The following PTPRN2 variants were observed in gnomAD, a reference collection of about 807,000 sequenced individuals.
PTPRN2 encodes protein tyrosine phosphatase receptor type N2.
PTPRN2 carries 74 observed loss-of-function variants against 118.8 expected under a neutral mutation model. The ratio of observed to expected loss-of-function variants is 0.62; its 90% CI spans 0.52 to 0.76. The LOEUF (loss-of-function observed/expected upper bound fraction) is 0.76, where lower values mean the gene tolerates loss of function less well. PTPRN2 is among the 30% of genes least tolerant of loss of function. The pLI is 0.00. For synonymous variants in PTPRN2, 641 were observed against 608.0 expected (o/e 1.05, Z -0.80); for missense variants, 1,481 against 1,394.4 (o/e 1.06, Z -0.99).
chr7:158,253,038 C>T (rs894849895), intron 3 of PTPRN2, among the ~76,000 whole-genome samples: 13 of 152,318 alleles, frequency 8.5e-5, no homozygotes, highest in Admixed American at 6.5e-4. Flanking sequence ...GTGGTTTCCC[C>T]GGACCAGACC....
chr7:158,060,134 TG>T, intron 11 of PTPRN2, among the ~76,000 whole-genome samples: 1 of 97,106 alleles, frequency 1.0e-5, no homozygotes, highest in Non-Finnish European at 2.0e-5. Flanking sequence ...CTGCACACGG[TG>T]ACACATCACT....
chr7:157,940,826 CA>C (rs1800035105), intron 11 of PTPRN2, among the ~76,000 whole-genome samples: 3 of 91,392 alleles, frequency 3.3e-5, no homozygotes, highest in Admixed American at 1.2e-4. Flanking sequence ...ATGCCCTCCC[CA>C]CAGTGACACT....
chr7:157,857,068 C>T (rs1809757972), intron 12 of PTPRN2, among the ~76,000 whole-genome samples: 1 of 151,388 alleles, frequency 6.6e-6, no homozygotes, highest in Admixed American at 6.6e-5. Context: ...GTGGGAGTCA[C>T]AGCCGGGGCC....
At position 157,801,674 on chromosome 7, in the gene PTPRN2, C is replaced by G. The variant is rs1015890678; in HGVS notation, c.1788+96999G>C. Among the ~76,000 whole-genome samples the G allele has an allele frequency of 6.6e-6, 1 of 152,082 alleles. No homozygotes were observed. The highest frequency in any genetic ancestry group is 1.5e-5 in the Non-Finnish European group (1 of 68,034). ...TCTCTAGGGAAAAATTTGATGGGCACGCTATGATTTATTGCCAAATGATAT... is the reference window on the plus strand; with the variant it reads ...TCTCTAGGGAAAAATTTGATGGGCAGGCTATGATTTATTGCCAAATGATAT... On this transcript the variant is annotated intron_variant, in intron 12 of 22. Transcript: ENST00000389418. The surrounding 1 kb of genome is among the most constrained non-coding windows in gnomAD (Gnocchi z 4.2).
At chr7:157,844,905 T>C (rs1490802953) in intron 12 of PTPRN2, among the ~76,000 whole-genome samples, 2 of 152,174 alleles carry the variant, frequency 1.3e-5, no homozygotes, top group Non-Finnish European at 2.9e-5. Flanking sequence ...GGCCTTTGTC[T>C]CTTTTGTTTT....
intron 3 of PTPRN2, among the ~76,000 whole-genome samples, chr7:158,274,498 A>T (rs1043840459): frequency 2.2e-4 from 29 of 129,958 alleles, no homozygotes; most frequent in African/African-American, 7.9e-4. Flanking sequence ...CCGCAGGCAC[A>T]GGGGGAGCCA....
At chr7:158,343,599 T>C (rs1010266352) in intron 2 of PTPRN2, among the ~76,000 whole-genome samples, 2 of 148,824 alleles carry the variant, frequency 1.3e-5, no homozygotes. Context: ...CAGGCAGCCA[T>C]GCTGGTGGCA....
intron 12 of PTPRN2, among the ~76,000 whole-genome samples, chr7:157,685,867 CCT>C (rs912599155): frequency 6.6e-6 from 1 of 152,168 alleles, no homozygotes; most frequent in Admixed American, 6.5e-5. Flanking sequence ...TCTCCACCAA[CCT>C]CGCCCGGCTC....
chr7:158,505,134 T>C (rs370282253), intron 1 of PTPRN2, among the ~76,000 whole-genome samples: 1 of 152,338 alleles, frequency 6.6e-6, no homozygotes, highest in African/African-American at 2.4e-5. Flanking sequence ...CATCGCATCA[T>C]AAATCACTCA....
At chr7:157,926,380 T>A (rs1432201952) in intron 11 of PTPRN2, among the ~76,000 whole-genome samples, 1 of 152,248 alleles carries the variant, frequency 6.6e-6, no homozygotes, top group African/African-American at 2.4e-5. Flanking sequence ...AAGCTGAGGA[T>A]GAAAATCCCC....
chr7:157,546,146 C>A (rs561526830), intron 22 of PTPRN2, among the ~76,000 whole-genome samples: 1 of 152,266 alleles, frequency 6.6e-6, no homozygotes, highest in East Asian at 1.9e-4. Context: ...CCTCCGGACG[C>A]CCAGTCCAAG....
chr7:157,814,620 C>T (rs1362704364), intron 12 of PTPRN2, among the ~76,000 whole-genome samples: 1 of 151,936 alleles, frequency 6.6e-6, no homozygotes, highest in African/African-American at 2.4e-5. Flanking sequence ...TCTCCAATCC[C>T]ATATGGGGCC....
chr7:158,442,234 C>A (rs1817402100), intron 2 of PTPRN2, among the ~76,000 whole-genome samples: 1 of 151,694 alleles, frequency 6.6e-6, no homozygotes, highest in African/African-American at 2.4e-5. Context: ...GGAAATCATT[C>A]TCTGATTACC....
At chr7:157,608,687 G>A (rs775684353) in intron 15 of PTPRN2, among the ~76,000 whole-genome samples, 4 of 152,178 alleles carry the variant, frequency 2.6e-5, no homozygotes, top group Admixed American at 6.5e-5. Flanking sequence ...AGGGAAGCAG[G>A]TGGCCTGGGG....
chr7:157,550,291 A>G lies in PTPRN2; in HGVS notation c.2903-1272T>C, dbSNP rs1798529773. 2.0e-5 allele frequency among the ~76,000 whole-genome samples: 3 copies of G among 151,120 alleles called. No individual in the cohort carries two copies. The highest frequency in any genetic ancestry group is 7.3e-5 in the African/African-American group (3 of 41,266). ...CCAGCAGGGTAGCAGGTGCCTGCGA[A>G]GCACCTCCAAGTCACAGCAGGTGCC... On this transcript the variant is annotated intron_variant, in intron 21 of 22. Transcript: ENST00000389418. The surrounding 1 kb of genome is among the most constrained non-coding windows in gnomAD (Gnocchi z 5.2).
At chr7:158,279,966 A>G (rs957376729) in intron 3 of PTPRN2, among the ~76,000 whole-genome samples, 11 of 152,090 alleles carry the variant, frequency 7.2e-5, no homozygotes, top group African/African-American at 2.2e-4. Context: ...AGGTCTGTGC[A>G]CTTAATCCAG....
At position 157,598,683 on chromosome 7, in the gene PTPRN2, AATTT is replaced by A. The variant is rs1432531311; in HGVS notation, c.2419-3372_2419-3369del. The stretch of plus-strand genomic sequence containing the variant: ...CCGAAACTGTCCGTGAAAACCTGTA[AATTT>A]ATTAGGTGAACGCCAAGCTGTCAGG... On this transcript the variant is annotated intron_variant, in intron 16 of 22. Coordinates refer to ENST00000389418, the MANE Select transcript of PTPRN2 (RefSeq NM_002847.5). The surrounding 1 kb of genome is among the most constrained non-coding windows in gnomAD (Gnocchi z 5.2). Among the ~76,000 whole-genome samples the A allele has an allele frequency of 6.6e-6, 1 of 152,162 alleles. No individual in the cohort carries two copies. Among genetic ancestry groups the A allele is most frequent in the Non-Finnish European group, 1.5e-5 (1 of 68,030 alleles).
At chr7:157,838,552 G>A (rs533763194) in intron 12 of PTPRN2, among the ~76,000 whole-genome samples, 1 of 86,986 alleles carries the variant, frequency 1.1e-5, no homozygotes, top group Non-Finnish European at 2.2e-5. Context: ...CCTCTCCACC[G>A]TGGCTACTCC....
At chr7:158,013,635 CATCT>C (rs1405858227) in intron 11 of PTPRN2, among the ~76,000 whole-genome samples, 2 of 152,058 alleles carry the variant, frequency 1.3e-5, no homozygotes, top group African/African-American at 4.8e-5. Flanking sequence ...TCTATCAATC[CATCT>C]ATCATCCATC....
Sources: allele counts gnomAD v4.1 joint callset (sites outside exome capture counted in the v4.1 genomes callset), GRCh38; gene constraint gnomAD v4.1.1; non-coding constraint Gnocchi (gnomAD v3.1); transcripts MANE v1.5; gene names NCBI Gene and HGNC (gene_info 2026-07-23, HGNC 2026-07-21).